The following GRID2 variants were observed in gnomAD, a reference collection of about 807,000 sequenced individuals.
GRID2 encodes the protein glutamate receptor ionotropic, delta-2.
A neutral mutation model predicts 114.8 loss-of-function variants in GRID2; 33 were observed. That is an observed-to-expected ratio of 0.29 (90% CI 0.22 to 0.38). GRID2 has a LOEUF of 0.38. Among genes scored for constraint, GRID2 ranks in the 10% least tolerant of loss-of-function variants. The pLI is 1.00. For missense variants in GRID2, 1,184 were observed against 1,257.7 expected, an observed-to-expected ratio of 0.94 and a Z score of 0.89; for synonymous variants, 505 against 449.9, an observed-to-expected ratio of 1.12 and a Z score of -1.55.
At chr4:93,619,540 C>T (rs1335765362) in intron 13 of GRID2, among the ~76,000 whole-genome samples, 1 of 152,200 alleles carries the variant, frequency 6.6e-6, no homozygotes, top group Non-Finnish European at 1.5e-5. Context: ...ATTTCCCTCA[C>T]ATTATTCTCA....
intron 8 of GRID2, among the ~76,000 whole-genome samples, chr4:93,297,556 G>A (rs1403042341): frequency 1.3e-5 from 2 of 152,162 alleles, no homozygotes; most frequent in Admixed American, 6.5e-5. Context: ...TCAATGTAGT[G>A]ATCCCTAATC....
At chr4:93,780,763 A>G (rs1006995381) in intron 1 of GRID2, among the ~76,000 whole-genome samples, 2 of 152,218 alleles carry the variant, frequency 1.3e-5, no homozygotes, top group African/African-American at 4.8e-5. Flanking sequence ...AACCTCCGTC[A>G]GTGGCAGTGG....
rs1043537993 is a variant in GRID2, at chr4:92,875,159, T to G, written c.245-209836T>G. Among the ~76,000 whole-genome samples, 16 of 143,898 alleles carry G rather than the reference T, an allele frequency of 1.1e-4. No homozygotes were observed. In the East Asian group the frequency reaches 1.8e-3, roughly 16 times the overall value. The allele number at this position is 143,898 out of a possible 152,430, so 94.4% of individuals were successfully genotyped here. On this transcript the variant is annotated intron_variant, in intron 2 of 15. Coordinates refer to ENST00000282020, the MANE Select transcript of GRID2 (RefSeq NM_001510.4). ...ATATTAACTCAAAAGGTTTTTTTTT[T>G]TTTTTTTTTTTTTTTTTCCCGAGAC... is the stretch of plus-strand genomic sequence containing the variant.
At chr4:93,200,879 T>G (rs1266113899) in intron 4 of GRID2, among the ~76,000 whole-genome samples, 2 of 152,218 alleles carry the variant, frequency 1.3e-5, no homozygotes, top group Non-Finnish European at 2.9e-5. Flanking sequence ...AAATATTCTA[T>G]AATCCAAATA....
chr4:92,591,665 T>A lies in GRID2; in HGVS notation c.244+1379T>A, dbSNP rs182939424. The stretch of plus-strand genomic sequence containing the variant: ...TATCTGCTTGATGCGCAGGTAACAT[T>A]TATTGAAATATATTTTCAATCAATA... On this transcript the variant is annotated intron_variant, in intron 2 of 15. Transcript: ENST00000282020. 5.9e-5 allele frequency among the ~76,000 whole-genome samples: 9 copies of A among 152,266 alleles called. No individual in the cohort carries two copies. The East Asian group carries it at 1.5e-3, about 26-fold the overall frequency.
At chr4:93,381,860 T>C (rs1285074671) in intron 8 of GRID2, among the ~76,000 whole-genome samples, 2 of 152,276 alleles carry the variant, frequency 1.3e-5, no homozygotes, top group South Asian at 2.1e-4. Context: ...TCTTCATATA[T>C]GACTTCAAAT....
At chr4:93,226,322 CA>C (rs1745478785) in intron 7 of GRID2, among the ~76,000 whole-genome samples, 1 of 152,236 alleles carries the variant, frequency 6.6e-6, no homozygotes, top group South Asian at 2.1e-4. Context: ...ACTATGAATT[CA>C]AAACTGATTA....
At chr4:92,641,626 G>C (rs1383121442) in intron 2 of GRID2, among the ~76,000 whole-genome samples, 1 of 151,714 alleles carries the variant, frequency 6.6e-6, no homozygotes, top group East Asian at 1.9e-4. Flanking sequence ...ACGTAACATA[G>C]TTAATAATCA....
chr4:92,659,277 C>G (rs1159540531), intron 2 of GRID2, among the ~76,000 whole-genome samples: 1 of 151,514 alleles, frequency 6.6e-6, no homozygotes, highest in East Asian at 1.9e-4. Flanking sequence ...ATGTTTTTTA[C>G]AAACAACACT....
intron 3 of GRID2, among the ~76,000 whole-genome samples, chr4:93,109,435 C>A (rs1187919323): frequency 6.6e-6 from 1 of 152,084 alleles, no homozygotes; most frequent in Non-Finnish European, 1.5e-5. Flanking sequence ...CAATTTGTAA[C>A]CTTGCAAATG....
intron 2 of GRID2, among the ~76,000 whole-genome samples, chr4:92,919,733 C>A (rs1749143558): frequency 6.6e-6 from 1 of 152,162 alleles, no homozygotes; most frequent in South Asian, 2.1e-4. Context: ...GTTATAATTT[C>A]TGTTCTGTTA....
intron 7 of GRID2, among the ~76,000 whole-genome samples, chr4:93,229,459 T>C (rs552528344): frequency 6.6e-6 from 1 of 152,236 alleles, no homozygotes; most frequent in East Asian, 1.9e-4. Flanking sequence ...AGATGTAGGA[T>C]GGCCTTTCTT....
chr4:93,594,892 A>G (rs909201196), intron 13 of GRID2, among the ~76,000 whole-genome samples: 32 of 152,150 alleles, frequency 2.1e-4, no homozygotes, highest in Admixed American at 1.8e-3. Context: ...GAGTGAGGCA[A>G]TGCCTCGCCC....
intron 13 of GRID2, among the ~76,000 whole-genome samples, chr4:93,619,309 C>A (rs1741996962): frequency 1.3e-5 from 2 of 152,086 alleles, no homozygotes; most frequent in Non-Finnish European, 2.9e-5. Flanking sequence ...TATTAATTTG[C>A]CCAAAGTGTG....
chr4:92,378,320 A>G (rs532068857), intron 1 of GRID2, among the ~76,000 whole-genome samples: 1 of 152,174 alleles, frequency 6.6e-6, no homozygotes, highest in South Asian at 2.1e-4. Context: ...TGTGCACTGT[A>G]TATGTGGTTG....
intron 10 of GRID2, among the ~76,000 whole-genome samples, chr4:93,454,241 T>G (rs1456395495): frequency 2.0e-5 from 3 of 152,048 alleles, no homozygotes; most frequent in Non-Finnish European, 4.4e-5. Flanking sequence ...TCACACTGTT[T>G]TAATATAAAA....
chr4:92,500,474 C>G (rs955162055), intron 1 of GRID2, among the ~76,000 whole-genome samples: 1 of 152,126 alleles, frequency 6.6e-6, no homozygotes, highest in African/African-American at 2.4e-5. Context: ...TGAAATTTCT[C>G]TGAATTCCCT....
At chr4:92,826,754 A>G (rs1741733113) in intron 2 of GRID2, among the ~76,000 whole-genome samples, 1 of 152,140 alleles carries the variant, frequency 6.6e-6, no homozygotes, top group South Asian at 2.1e-4. Flanking sequence ...AAAACCTTAT[A>G]TTGATTTGCA....
chr4:92,549,780 A>C (rs1304757668), intron 1 of GRID2, among the ~76,000 whole-genome samples: 2 of 152,170 alleles, frequency 1.3e-5, no homozygotes, highest in African/African-American at 4.8e-5. Flanking sequence ...GTTTCTTAAA[A>C]TCCTAGTGGT....
Sources: allele counts gnomAD v4.1 joint callset (sites outside exome capture counted in the v4.1 genomes callset), GRCh38; gene constraint gnomAD v4.1.1; transcripts MANE v1.5; gene names NCBI Gene and HGNC (gene_info 2026-07-23, HGNC 2026-07-21).